The following VDR variants were observed in gnomAD, a reference collection of about 807,000 sequenced individuals.
VDR encodes the protein vitamin D3 receptor.
VDR carries 19 observed loss-of-function variants against 39.7 expected under a neutral mutation model. The observed-to-expected ratio is 0.48, with a 90% CI of 0.33 to 0.70. The LOEUF (loss-of-function observed/expected upper bound fraction) is 0.70, where lower values mean the gene tolerates loss of function less well. Ranked by LOEUF, VDR falls within the 30% of genes least tolerant of loss-of-function variation. VDR has a pLI of 0.02. For missense variants in VDR, 442 were observed against 570.5 expected, an observed-to-expected ratio of 0.77 and a Z score of 2.29; for synonymous variants, 242 against 215.8, an observed-to-expected ratio of 1.12 and a Z score of -1.07.
At chr12:47,894,861 C>T (rs749016610) in intron 1 of VDR, among the ~76,000 whole-genome samples, 1 of 152,180 alleles carries the variant, frequency 6.6e-6, no homozygotes, top group Non-Finnish European at 1.5e-5. Context: ...AGGACTCAGA[C>T]TAACTGCCTG....
At chr12:47,847,063 C>T (rs1389547696) in intron 7 of VDR, among the ~76,000 whole-genome samples, 1 of 152,152 alleles carries the variant, frequency 6.6e-6, no homozygotes, top group Non-Finnish European at 1.5e-5. Flanking sequence ...AGAGACCAAG[C>T]AGCCAGAGCT....
intron 1 of VDR, chr12:47,904,509 A>T: frequency 8.2e-7 from 1 of 1,216,574 alleles, no homozygotes; most frequent in Non-Finnish European, 1.1e-6. Flanking sequence ...ACCCAACTCC[A>T]CCATCACAGG....
At chr12:47,904,720 C>T (rs1946636841) in intron 1 of VDR, 2 of 1,347,128 alleles carry the variant, frequency 1.5e-6, no homozygotes, top group African/African-American at 2.9e-5. Context: ...TCCTAAGCGC[C>T]GAGGATGTCG....
intron 3 of VDR, among the ~76,000 whole-genome samples, chr12:47,869,606 T>C (rs1027726127): frequency 6.7e-5 from 10 of 148,202 alleles, no homozygotes; most frequent in Admixed American, 4.7e-4. Flanking sequence ...GAGAAAGTAC[T>C]GGGACTGGGT....
intron 1 of VDR, among the ~76,000 whole-genome samples, chr12:47,899,163 G>A (rs1389482127): frequency 6.6e-6 from 1 of 152,208 alleles, no homozygotes; most frequent in East Asian, 1.9e-4. Flanking sequence ...CCAAATCTGA[G>A]TTTAGTCAGG....
intron 3 of VDR, among the ~76,000 whole-genome samples, chr12:47,871,338 C>CTTTCTTTCTTTCT (rs1555153539): frequency 2.1e-4 from 30 of 145,502 alleles, no homozygotes; most frequent in African/African-American, 6.6e-4. Flanking sequence ...TTCTTTCTTT[C>CTTTCTTTCTTTCT]TTTCTTTCTT....
At chr12:47,903,140 T>G (rs1946599079) in intron 1 of VDR, among the ~76,000 whole-genome samples, 1 of 152,196 alleles carries the variant, frequency 6.6e-6, no homozygotes, top group African/African-American at 2.4e-5. Flanking sequence ...TAACTCTCAT[T>G]TTTTCCCCTC....
intron 1 of VDR, among the ~76,000 whole-genome samples, chr12:47,886,223 G>T (rs1946249661): frequency 1.3e-5 from 2 of 152,216 alleles, no homozygotes; most frequent in Admixed American, 1.3e-4. Flanking sequence ...ATGCCTGTGT[G>T]TCCGCCAGCC....
chr12:47,871,314 C>CTTTCTTTCTTTCTTTT (rs1945863536), intron 3 of VDR, among the ~76,000 whole-genome samples: 1 of 137,906 alleles, frequency 7.3e-6, no homozygotes, highest in Admixed American at 7.4e-5. Context: ...TTCTTTCTTT[C>CTTTCTTTCTTTCTTTT]TTTCTTTCTT....
intron 3 of VDR, 49 bp from the exon 4 acceptor site, chr12:47,865,226 C>T: frequency 6.2e-7 from 1 of 1,601,646 alleles, no homozygotes; most frequent in Non-Finnish European, 8.5e-7. Flanking sequence ...CTTCCGGCTC[C>T]TCACCCTGTC....
chr12:47,892,854 T>G (rs1946395100), intron 1 of VDR, among the ~76,000 whole-genome samples: 2 of 152,320 alleles, frequency 1.3e-5, no homozygotes, highest in South Asian at 4.1e-4. Context: ...GAGAAGGCTC[T>G]TTGGAGGCTG....
At chr12:47,887,010 A>G (rs1946267856) in intron 1 of VDR, among the ~76,000 whole-genome samples, 1 of 152,104 alleles carries the variant, frequency 6.6e-6, no homozygotes, top group South Asian at 2.1e-4. Flanking sequence ...TACCATATGC[A>G]CATTAGAAAA....
chr12:47,849,011 G>A (rs1945334200), intron 7 of VDR, among the ~76,000 whole-genome samples: 1 of 152,190 alleles, frequency 6.6e-6, no homozygotes, highest in African/African-American at 2.4e-5. Flanking sequence ...CCAATGACTA[G>A]TTCCACTATT....
At chr12:47,848,386 C>T (rs1286355822) in intron 7 of VDR, among the ~76,000 whole-genome samples, 1 of 151,800 alleles carries the variant, frequency 6.6e-6, no homozygotes, top group Non-Finnish European at 1.5e-5. Flanking sequence ...TTCTAATTCT[C>T]CATTTTGTTT....
Position 47,859,744 on chromosome 12 carries a change from G to A in VDR, c.278-2056C>T, listed in dbSNP as rs757776922. 3.5e-4 allele frequency among the ~76,000 whole-genome samples: 53 copies of A among 152,098 alleles called. 1 individual carries two copies. The highest frequency in any genetic ancestry group is 2.4e-3 in the Admixed American group (37 of 15,282). On this transcript the variant is annotated intron_variant, in intron 4 of 9. Coordinates refer to ENST00000549336, the MANE Select transcript of VDR (RefSeq NM_000376.3). ...AGTTTTCAATTCATTACCTATAGAC[G>A]GAGCCCAAGAAGTTCAAGGTCTCTT...
Position 47,844,586 on chromosome 12 carries a change from G to T in VDR, c.*160C>A. 2 of 960,250 alleles carry T rather than the reference G, an allele frequency of 2.1e-6. No homozygotes were observed. Among genetic ancestry groups the T allele is most frequent in the South Asian group, 1.6e-5 (1 of 64,276 alleles). The allele number at this position is 960,250 out of a possible 1,614,324, so 59.5% of individuals were successfully genotyped here. ...AAGCCCGCAGGAAAGGGGTTAGGTT[G>T]GACAGGAGAGAGAATGGGCTGGGTG... On this transcript the variant is annotated 3_prime_UTR_variant, in exon 10 of 10. Transcript: ENST00000549336.
chr12:47,899,972 C>G (rs1440777609), intron 1 of VDR: 1 of 985,428 alleles, frequency 1.0e-6, no homozygotes, highest in Admixed American at 6.1e-5. Context: ...AAGGGATAGC[C>G]AGGAGAGGGA....
intron 1 of VDR, among the ~76,000 whole-genome samples, chr12:47,889,515 CA>C (rs1174122679): frequency 8.5e-5 from 13 of 152,334 alleles, no homozygotes; most frequent in African/African-American, 2.9e-4. Context: ...TGGCCAAAGA[CA>C]TGAACAAGAA....
At chr12:47,904,485 AAAT>A in intron 1 of VDR, 2 of 1,007,874 alleles carry the variant, frequency 2.0e-6, no homozygotes, top group East Asian at 3.1e-5. Context: ...AAAAAAAAAA[AAAT>A]TACTTAAAAG....
Sources: allele counts gnomAD v4.1 joint callset (sites outside exome capture counted in the v4.1 genomes callset), GRCh38; gene constraint gnomAD v4.1.1; transcripts MANE v1.5; gene names NCBI Gene and HGNC (gene_info 2026-07-23, HGNC 2026-07-21).